CDAN1: variants seen among roughly 807,000 people sequenced by gnomAD.
CDAN1 encodes codanin-1.
Under a neutral mutation model 139.8 loss-of-function variants are expected in CDAN1, and 107 were observed. The ratio of observed to expected loss-of-function variants is 0.77; its 90% CI spans 0.65 to 0.90. The LOEUF is 0.90. CDAN1 is among the 40% of genes least tolerant of loss of function. CDAN1 has a pLI of 0.00. For missense variants in CDAN1, 1,667 were observed against 1,575.7 expected, an observed-to-expected ratio of 1.06 and a Z score of -0.98; for synonymous variants, 776 against 660.6, an observed-to-expected ratio of 1.17 and a Z score of -2.68.
At chr15:42,724,800 A>C in intron 27 of CDAN1, 184 bp from the exon 28 acceptor site, 1 of 774,008 alleles carries the variant, frequency 1.3e-6, no homozygotes, top group South Asian at 1.7e-5. Flanking sequence ...TATGGCAGGG[A>C]GCGAACTCTG....
chr15:42,724,556 C>G lies in CDAN1; in HGVS notation c.3619G>C (p.Glu1207Gln). 1 of 1,558,304 alleles carries G rather than the reference C, an allele frequency of 6.4e-7. No homozygotes were observed. Among genetic ancestry groups the G allele is most frequent in the South Asian group, 1.2e-5 (1 of 84,510 alleles). ...AACTCACAGGCTCTTAGCTGGGGTT[C>G]TGGCAGGTGGGGCTCGGCTAGAAAC... ...NLFLAEPHLP[E>Q]PQLRACELVQ... The change falls in exon 28 of 28, where the codon GAA becomes CAA. Residue 1207 changes from glutamate (E) to glutamine (Q), a missense_variant. By Grantham distance (29) the Glu-to-Gln change is conservative (BLOSUM62 2). This residue lies in a region of CDAN1 where 936 missense variants were observed against 844.1 expected (regional missense o/e 1.11). Transcript: ENST00000356231.
At chr15:42,736,273 C>T (rs1265831848) in intron 2 of CDAN1, 29 bp downstream of exon 2, 1 of 1,612,742 alleles carries the variant, frequency 6.2e-7, no homozygotes. Context: ...TTCGTGGTAC[C>T]CATCTCCTGC....
At position 42,726,119 on chromosome 15, in the gene CDAN1, AG is replaced by A. The variant is rs1169422903; in HGVS notation, c.3245del (p.Ser1082LeufsTer4). The A allele has an allele frequency of 6.2e-7, 1 of 1,614,156 alleles. No homozygotes were observed. Among genetic ancestry groups the A allele is most frequent in the Admixed American group, 1.7e-5 (1 of 60,014 alleles). On this transcript the variant is annotated frameshift_variant, in exon 25 of 28. Coordinates refer to ENST00000356231, the MANE Select transcript of CDAN1 (RefSeq NM_138477.4). LOFTEE classifies it high-confidence loss of function. ...PPAEQHLAKC[S>X]VELASLLVAD... ...TACCGAGGAGGGAAGCTAACTCCAC[AG>A]AGCACTTTGCCAGATGCTGCTCAGC...
chr15:42,735,486 C>T (rs751499666), intron 4 of CDAN1, 24 bp downstream of exon 4: 4 of 1,613,896 alleles, frequency 2.5e-6, no homozygotes, highest in Non-Finnish European at 2.5e-6. Flanking sequence ...TGTCTCCACT[C>T]CCGCTCCCTC....
intron 8 of CDAN1, 112 bp from the exon 9 acceptor site, chr15:42,733,298 G>A: frequency 1.2e-6 from 1 of 839,622 alleles, no homozygotes; most frequent in South Asian, 1.4e-5. Context: ...TTTGGAGATG[G>A]AGTCTTGCTC....
chr15:42,724,627 TAGAA>T lies in CDAN1; in HGVS notation c.3559-15_3559-12del, dbSNP rs1207468477. On this transcript the variant is annotated splice_polypyrimidine_tract_variant and intron_variant, in intron 27 of 27. Transcript: ENST00000356231. ...TTCTTCAGCAAAGTCCTGGAATACA[TAGAA>T]AGATGAGGGAAAAGGCAGCATGTAA... 3.2e-6 allele frequency: 5 copies of T among 1,551,956 alleles called. No individual in the cohort carries two copies. Among genetic ancestry groups the T allele is most frequent in the South Asian group, 1.2e-5 (1 of 84,038 alleles).
Position 42,725,487 on chromosome 15 carries a change from A to T in CDAN1, c.3450+2T>A. The T allele has an allele frequency of 1.9e-6, 3 of 1,613,822 alleles. No individual in the cohort carries two copies. Among genetic ancestry groups the T allele is most frequent in the Non-Finnish European group, 2.5e-6 (3 of 1,179,966 alleles). Reference sequence around the variant, plus strand: ...GAGGGCTTCTTGTTCCGTCTGACTCACCTCCCTTGGCCTTGTGTCTGCCAG... The same window carrying T: ...GAGGGCTTCTTGTTCCGTCTGACTCTCCTCCCTTGGCCTTGTGTCTGCCAG... On this transcript the variant is annotated splice_donor_variant, in intron 26 of 27. Coordinates refer to ENST00000356231, the MANE Select transcript of CDAN1 (RefSeq NM_138477.4). LOFTEE classifies it high-confidence loss of function.
intron 10 of CDAN1, 118 bp downstream of exon 10, chr15:42,732,215 T>C (rs1330617054): frequency 1.0e-6 from 1 of 998,188 alleles, no homozygotes; most frequent in Non-Finnish European, 1.6e-6. Flanking sequence ...AGAACTCTTG[T>C]TCAAATTCCA....
intron 8 of CDAN1, 92 bp from the exon 9 acceptor site, chr15:42,733,278 C>CTT (rs34650750): frequency 3.4e-3 from 2,868 of 834,748 alleles, no homozygotes; most frequent in Non-Finnish European, 4.2e-3. Flanking sequence ...CACCCACCAC[C>CTT]TTTTTTTTTT....
chr15:42,729,141 G>A lies in CDAN1; in HGVS notation c.2542-15C>T, dbSNP rs369438699. On this transcript the variant is annotated splice_polypyrimidine_tract_variant and intron_variant, in intron 18 of 27. Coordinates refer to ENST00000356231, the MANE Select transcript of CDAN1 (RefSeq NM_138477.4). Reference sequence around the variant, plus strand: ...GCGAGCTGTGCCTGGGGGGAGGAGGGAGAGGCAGCAAGGCTTCCTCCAGCC... The same window carrying A: ...GCGAGCTGTGCCTGGGGGGAGGAGGAAGAGGCAGCAAGGCTTCCTCCAGCC... The A allele has an allele frequency of 6.2e-7, 1 of 1,613,782 alleles. No homozygotes were observed. The highest frequency in any genetic ancestry group is 8.5e-7 in the Non-Finnish European group (1 of 1,179,796).
chr15:42,726,389 C>T lies in CDAN1; in HGVS notation c.3125G>A (p.Arg1042Gln), dbSNP rs776165533. The T allele has an allele frequency of 1.3e-5, 20 of 1,597,864 alleles. No homozygotes were observed. Among genetic ancestry groups the T allele is most frequent in the Middle Eastern group, 1.7e-4 (1 of 6,046 alleles). The change falls in exon 24 of 28, where the codon CGG becomes CAG. Residue 1042 changes from arginine to glutamine, a missense_variant. Around this residue, in one of 3 missense-constraint regions of CDAN1, gnomAD observed 936 missense variants for 844.1 expected, o/e 1.11. Transcript: ENST00000356231. ...KDVLSLAVGP[R>Q]DPDEGVSPEH... The stretch of plus-strand genomic sequence containing the variant: ...TGGGGAGACTCCCTCGTCAGGGTCC[C>T]GTGGCCCCACGGCCAAGGAGAGCAC...
intron 9 of CDAN1, 82 bp from the exon 10 acceptor site, chr15:42,732,490 CT>C: frequency 1.5e-6 from 2 of 1,320,578 alleles, no homozygotes; most frequent in Non-Finnish European, 2.2e-6. Flanking sequence ...AACCCCTGGA[CT>C]TCCCAGCCGT....
At position 42,725,588 on chromosome 15, in the gene CDAN1, C is replaced by A. The variant is rs757150645; in HGVS notation, c.3351G>T (p.Leu1117=). ...RGQARRLLHM[L]LSLWKEDFQG... ...GAAAGTCTTCCTTCCACAAGGAAAG[C>A]AGCATGTGCAGAAGCCTTCGAGCCT... The change falls in exon 26 of 28, where the codon CTG becomes CTT. Residue 1117 remains leucine, a synonymous_variant. Transcript: ENST00000356231. 3.1e-6 allele frequency: 5 copies of A among 1,614,164 alleles called. No individual in the cohort carries two copies. Among genetic ancestry groups the A allele is most frequent in the Non-Finnish European group, 4.2e-6 (5 of 1,180,036 alleles).
chr15:42,724,759 T>G (rs997382309), intron 27 of CDAN1, 143 bp from the exon 28 acceptor site: 66 of 1,088,282 alleles, frequency 6.1e-5, no homozygotes, highest in Non-Finnish European at 8.7e-5. Context: ...TGAAACCTTG[T>G]CTGTTTGTTA....
chr15:42,731,692 C>A lies in CDAN1; in HGVS notation c.1667G>T (p.Gly556Val), dbSNP rs1442680284. ...GAAGGTGGGGGGTGGGCAGGGCCCC[C>A]CACTGCTCTGAGGAGCCATAAGCCG... The part of the protein sequence containing the change: ...QERLMAPQSS[G>V]GPCPPPTFPG... Residue 556 changes from glycine (G) to valine (V), a missense_variant, in exon 11 of 28, where the codon GGG (glycine) becomes GTG (valine). By Grantham distance (109) the Gly-to-Val change is moderately radical (BLOSUM62 -3). Transcript: ENST00000356231. 6.2e-7 allele frequency: 1 copy of A among 1,614,094 alleles called. No homozygotes were observed. The highest frequency in any genetic ancestry group is 1.7e-5 in the Admixed American group (1 of 60,020).
chr15:42,727,840 G>A, intron 22 of CDAN1, 71 bp from the exon 23 acceptor site: 1 of 1,608,464 alleles, frequency 6.2e-7, no homozygotes, highest in Non-Finnish European at 8.5e-7. Context: ...GCTAACCCAT[G>A]CCTTTTGCTG....
intron 6 of CDAN1, among the ~76,000 whole-genome samples, chr15:42,734,642 C>A (rs2061663056): frequency 6.6e-6 from 1 of 152,064 alleles, no homozygotes; most frequent in Non-Finnish European, 1.5e-5. Flanking sequence ...GGGTCTCTGT[C>A]ACCCAGGCTG....
chr15:42,725,810 C>CCAT (rs1409428722), intron 25 of CDAN1, 140 bp from the exon 26 acceptor site: 2 of 878,958 alleles, frequency 2.3e-6, no homozygotes, highest in Non-Finnish European at 3.5e-6. Context: ...TAGTGAAACC[C>CCAT]CATCTCTATT....
At chr15:42,726,455 G>T (rs1401791585) in intron 23 of CDAN1, 38 bp from the exon 24 acceptor site, 1 of 1,479,178 alleles carries the variant, frequency 6.8e-7, no homozygotes, top group East Asian at 2.4e-5. Context: ...TTGCGCTGGG[G>T]GCCAGGATGC....
Sources: allele counts gnomAD v4.1 joint callset (sites outside exome capture counted in the v4.1 genomes callset), GRCh38; gene constraint gnomAD v4.1.1; regional missense constraint gnomAD v4.1.1; transcripts MANE v1.5; gene names NCBI Gene and HGNC (gene_info 2026-07-23, HGNC 2026-07-21).